Variants in L3HYPDH observed in about 807,000 individuals in gnomAD.
L3HYPDH encodes the protein trans-L-3-hydroxyproline dehydratase, also known as trans-3-hydroxy-L-proline dehydratase.
A neutral mutation model predicts 26.5 loss-of-function variants in L3HYPDH; 32 were observed. The observed-to-expected ratio is 1.21, with a 90% CI of 0.91 to 1.62. The LOEUF (loss-of-function observed/expected upper bound fraction) is 1.62, where lower values mean the gene tolerates loss of function less well. Ranked by LOEUF, L3HYPDH falls within the 40% of genes most tolerant of loss-of-function variation. The probability of loss-of-function intolerance (pLI) is 0.00; values close to 1 mark genes in which losing one functional copy is unlikely to be tolerated. For synonymous variants in L3HYPDH, 215 were observed against 196.6 expected, an observed-to-expected ratio of 1.09 and a Z score of -0.78; for missense variants, 554 against 476.4, an observed-to-expected ratio of 1.16 and a Z score of -1.52.
At chr14:59,489,376 A>G (rs1410333252), upstream of L3HYPDH, among the ~76,000 whole-genome samples, 2 of 152,244 alleles carry the variant, frequency 1.3e-5, no homozygotes, top group African/African-American at 2.4e-5. Context: ...ACAATGCAGC[A>G]GAGTTCTTTG....
chr14:59,467,777 TTCA>T (rs1177141774), downstream of L3HYPDH, among the ~76,000 whole-genome samples: 1 of 152,242 alleles, frequency 6.6e-6, no homozygotes, highest in African/African-American at 2.4e-5. Context: ...AAACTTGGTC[TTCA>T]ATACTCTGTA....
the L3HYPDH span, among the ~76,000 whole-genome samples, chr14:59,494,339 A>C: frequency 6.6e-6 from 1 of 152,244 alleles, no homozygotes; most frequent in African/African-American, 2.4e-5. Flanking sequence ...AACAAATCAC[A>C]GTATTGTCAC....
upstream of L3HYPDH, chr14:59,484,979 C>G: frequency 6.4e-7 from 1 of 1,569,364 alleles, no homozygotes; most frequent in East Asian, 2.2e-5. Flanking sequence ...CTGCTTCAAC[C>G]TCAAACGTAG....
upstream of L3HYPDH, chr14:59,484,653 G>T (rs1172456777): frequency 1.3e-6 from 2 of 1,550,554 alleles, no homozygotes; most frequent in Non-Finnish European, 1.7e-6. Flanking sequence ...TTTCCTACAC[G>T]GCTGGCCTCG....
the L3HYPDH span, among the ~76,000 whole-genome samples, chr14:59,499,785 T>C: frequency 6.6e-6 from 1 of 152,148 alleles, no homozygotes; most frequent in Non-Finnish European, 1.5e-5. Flanking sequence ...AATTCTGTTA[T>C]CCGCCATATT....
upstream of L3HYPDH, chr14:59,484,467 C>T (rs1207557139): frequency 2.8e-6 from 4 of 1,410,070 alleles, no homozygotes; most frequent in East Asian, 9.8e-5. Flanking sequence ...GAGGGAGGAA[C>T]TTCGGAGCTG....
the L3HYPDH span, among the ~76,000 whole-genome samples, chr14:59,500,557 C>T: frequency 6.6e-6 from 1 of 152,076 alleles, no homozygotes; most frequent in Non-Finnish European, 1.5e-5. Context: ...ATCTCTTTAT[C>T]CTTTAAGGTT....
the L3HYPDH span, chr14:59,501,167 A>G: frequency 7.0e-7 from 1 of 1,423,466 alleles, no homozygotes; most frequent in Non-Finnish European, 9.8e-7. Context: ...CATTTCCAAC[A>G]TAATACCAAT....
the L3HYPDH span, among the ~76,000 whole-genome samples, chr14:59,501,481 TC>T: frequency 6.6e-6 from 1 of 152,202 alleles, no homozygotes; most frequent in Non-Finnish European, 1.5e-5. Context: ...AGTGAAGTAG[TC>T]AGGCCCAACT....
At chr14:59,497,271 G>A in the L3HYPDH span, among the ~76,000 whole-genome samples, 1 of 152,166 alleles carries the variant, frequency 6.6e-6, no homozygotes, top group Non-Finnish European at 1.5e-5. Flanking sequence ...ATGAGTTATG[G>A]AAAATGAGCA....
At chr14:59,486,544 C>T (rs1184477613), upstream of L3HYPDH, 1 of 603,478 alleles carries the variant, frequency 1.7e-6, no homozygotes, top group Non-Finnish European at 2.9e-6. Context: ...TCTGCAGTGT[C>T]ACAGTGTAAA....
At chr14:59,484,992 T>G, upstream of L3HYPDH, 1 of 1,581,346 alleles carries the variant, frequency 6.3e-7, no homozygotes, top group Non-Finnish European at 8.5e-7. Flanking sequence ...AAACGTAGAT[T>G]TATAGCGCCC....
intron 1 of L3HYPDH, among the ~76,000 whole-genome samples, chr14:59,481,652 A>G (rs1890032408): frequency 6.6e-6 from 1 of 152,260 alleles, no homozygotes; most frequent in Non-Finnish European, 1.5e-5. Flanking sequence ...TACAAGGAAT[A>G]AAACATAGGC....
upstream of L3HYPDH, among the ~76,000 whole-genome samples, chr14:59,488,760 C>T (rs573461678): frequency 4.6e-5 from 7 of 152,302 alleles, no homozygotes; most frequent in Admixed American, 1.3e-4. Context: ...CTTTCCCTTC[C>T]TGCAAACTCT....
the L3HYPDH span, among the ~76,000 whole-genome samples, chr14:59,499,999 T>A: frequency 1.3e-5 from 2 of 152,356 alleles, no homozygotes; most frequent in African/African-American, 4.8e-5. Context: ...GTGACATGAT[T>A]ACATTTGCAC....
upstream of L3HYPDH, chr14:59,487,404 T>C (rs1334120242): frequency 1.1e-5 from 3 of 265,530 alleles, no homozygotes; most frequent in African/African-American, 6.6e-5. Context: ...GTTATTCTTA[T>C]ATAATGTTAA....
At chr14:59,484,980 T>A, upstream of L3HYPDH, 1 of 1,570,426 alleles carries the variant, frequency 6.4e-7, no homozygotes, top group Non-Finnish European at 8.6e-7. Flanking sequence ...TGCTTCAACC[T>A]CAAACGTAGA....
chr14:59,502,755 T>TGTTTTGTTTTGTTTTTG, the L3HYPDH span, among the ~76,000 whole-genome samples: 2 of 122,914 alleles, frequency 1.6e-5, no homozygotes, highest in South Asian at 2.7e-4. Flanking sequence ...ATGAGATTTT[T>TGTTTTGTTTTGTTTTTG]TTTTTTTTTT....
upstream of L3HYPDH, among the ~76,000 whole-genome samples, chr14:59,486,313 G>A (rs1278841944): frequency 6.6e-6 from 1 of 152,176 alleles, no homozygotes; most frequent in Non-Finnish European, 1.5e-5. Flanking sequence ...TCTACATGTG[G>A]GTGCTTAATG....
Sources: gnomAD v4.1 joint callset for allele counts (sites outside exome capture counted in the v4.1 genomes callset) on GRCh38, gnomAD v4.1.1 for gene constraint, MANE v1.5 for transcripts, NCBI Gene and HGNC (gene_info 2026-07-23, HGNC 2026-07-21) for gene names.